The following ACSS1 variants were observed in gnomAD, a reference collection of about 807,000 sequenced individuals.
The protein encoded by ACSS1 is acetyl-coenzyme A synthetase 2-like, mitochondrial.
In ACSS1, 42 loss-of-function variants were observed where a neutral mutation model predicts 75.3. The ratio of observed to expected loss-of-function variants is 0.56; its 90% CI spans 0.44 to 0.72. The LOEUF (loss-of-function observed/expected upper bound fraction) is 0.72, where lower values mean the gene tolerates loss of function less well. Ranked by LOEUF, ACSS1 falls within the 30% of genes least tolerant of loss-of-function variation. The probability of loss-of-function intolerance (pLI) is 0.00; values close to 1 mark genes in which losing one functional copy is unlikely to be tolerated. For missense variants in ACSS1, 782 were observed against 935.7 expected (o/e 0.84, Z 2.14); for synonymous variants, 380 against 376.8 (o/e 1.01, Z -0.10).
intron 2 of ACSS1, among the ~76,000 whole-genome samples, chr20:25,034,977 C>A (rs999849456): frequency 5.9e-5 from 9 of 152,036 alleles, no homozygotes; most frequent in Non-Finnish European, 1.5e-5. Context: ...ACTGCAAGCT[C>A]CGCCCCCTGG....
chr20:25,020,965 G>C (rs1413552088), intron 6 of ACSS1, among the ~76,000 whole-genome samples: 1 of 152,248 alleles, frequency 6.6e-6, no homozygotes, highest in Admixed American at 6.5e-5. Flanking sequence ...ATGGTTCTAG[G>C]CCATGCCTAA....
At chr20:25,012,767 T>A (rs753757165) in intron 11 of ACSS1, 45 bp downstream of exon 11, 2 of 1,613,270 alleles carry the variant, frequency 1.2e-6, no homozygotes, top group East Asian at 4.5e-5. Context: ...CACAGGGGCA[T>A]CATGGAGGTG....
chr20:25,031,648 A>C (rs1259855414), intron 2 of ACSS1, among the ~76,000 whole-genome samples: 2 of 152,188 alleles, frequency 1.3e-5, no homozygotes, highest in African/African-American at 4.8e-5. Flanking sequence ...GAAGCTTTCA[A>C]TAAACTATCT....
intron 8 of ACSS1, among the ~76,000 whole-genome samples, chr20:25,014,774 G>A (rs2088485493): frequency 6.6e-6 from 1 of 152,168 alleles, no homozygotes. Flanking sequence ...ATGTTCCCCT[G>A]TTCAGAAAGG....
chr20:25,032,248 G>A, intron 2 of ACSS1: 6 of 882,762 alleles, frequency 6.8e-6, no homozygotes, highest in Non-Finnish European at 7.6e-6. Flanking sequence ...CACTCAGGGC[G>A]CATCATCTCT....
chr20:25,012,454 G>C (rs2088426191), intron 12 of ACSS1, 147 bp downstream of exon 12: 1 of 1,013,542 alleles, frequency 9.9e-7, no homozygotes, highest in African/African-American at 1.6e-5. Context: ...CTCCCCTACA[G>C]TTTCCACTTG....
At chr20:25,043,164 C>G (rs537417155) in intron 2 of ACSS1, among the ~76,000 whole-genome samples, 4 of 152,190 alleles carry the variant, frequency 2.6e-5, no homozygotes, top group Admixed American at 2.6e-4. Context: ...ACCAGTCCCC[C>G]ACTCCTGCCT....
rs2088627924 is a variant in ACSS1, at chr20:25,021,665, G to A, written c.961-129C>T. 1.3e-5 allele frequency: 15 copies of A among 1,161,140 alleles called. No homozygotes were observed. In the South Asian group the frequency reaches 2.3e-4, roughly 18 times the overall value. The allele number at this position is 1,161,140 out of a possible 1,614,324, so 71.9% of individuals were successfully genotyped here. The stretch of plus-strand genomic sequence containing the variant: ...TGAGAGGCAGCTGGCTCCTCAAATG[G>A]CCTCCAGCAGCAGGACAGGTGGGCA... On this transcript the variant is annotated intron_variant, in intron 5 of 13. Transcript: ENST00000323482.
At position 25,046,458 on chromosome 20, in the gene ACSS1, G is replaced by A. The variant is rs535775063; in HGVS notation, c.431+1627C>T. The A allele has an allele frequency of 6.2e-5, 19 of 307,198 alleles. 1 individual carries two copies. The highest frequency in any genetic ancestry group is 1.8e-4 in the South Asian group (5 of 27,052). The allele number at this position is 307,198 out of a possible 1,614,324, so 19.0% of individuals were successfully genotyped here. ...GTGCTCCCACGGGCAGCGTCCAGCC[G>A]AGGGGGCGTGGCACACAACCTGCCT... On this transcript the variant is annotated intron_variant, in intron 2 of 13. Transcript: ENST00000323482.
Position 25,009,460 on chromosome 20 carries a change from T to C in ACSS1, c.1772-72A>G, listed in dbSNP as rs958036672. 14 of 1,211,626 alleles carry C rather than the reference T, an allele frequency of 1.2e-5. No homozygotes were observed. The East Asian group carries it at 1.9e-4, about 16-fold the overall frequency. 75.1% of individuals were successfully genotyped at this position (1,211,626 alleles called of 1,614,324 possible). ...AGCCAACTCCCGAGGCAGGGTGCTA[T>C]GCACAGACTGCCAGAAATCCGAAGG... On this transcript the variant is annotated intron_variant, in intron 12 of 13. Transcript: ENST00000323482.
intron 7 of ACSS1, among the ~76,000 whole-genome samples, 200 bp downstream of exon 7, chr20:25,019,810 A>T (rs2179732): frequency 0.32 from 48,126 of 152,254 alleles, 8,346 homozygotes; most frequent in African/African-American, 0.44. Flanking sequence ...TTCCCCAGAC[A>T]GGTAACTGCT....
intron 3 of ACSS1, among the ~76,000 whole-genome samples, chr20:25,027,822 AAAG>A (rs2088751454): frequency 6.6e-6 from 1 of 152,186 alleles, no homozygotes. Context: ...CCAAATTGGA[AAAG>A]AAGAAGTAAA....
At chr20:25,018,883 AT>A (rs763035972) in intron 7 of ACSS1, among the ~76,000 whole-genome samples, 1 of 152,184 alleles carries the variant, frequency 6.6e-6, no homozygotes, top group African/African-American at 2.4e-5. Flanking sequence ...CATGCTGAAC[AT>A]TATACTAAGG....
At chr20:25,045,087 T>G (rs2089065148) in intron 2 of ACSS1, among the ~76,000 whole-genome samples, 1 of 152,234 alleles carries the variant, frequency 6.6e-6, no homozygotes, top group African/African-American at 2.4e-5. Context: ...ACTCAATAAA[T>G]AGCAGCTACA....
intron 1 of ACSS1, among the ~76,000 whole-genome samples, chr20:25,049,921 G>A (rs903569802): frequency 2.5e-4 from 38 of 152,160 alleles, no homozygotes; most frequent in South Asian, 6.2e-4. Context: ...GGAGGGAAGC[G>A]AGCTTTGCCG....
chr20:25,018,902 C>T (rs546179620), intron 7 of ACSS1, among the ~76,000 whole-genome samples: 76 of 152,348 alleles, frequency 5.0e-4, no homozygotes, highest in Non-Finnish European at 1.0e-3. Flanking sequence ...AGGCTCACAT[C>T]TGACCCTCTG....
At chr20:25,040,643 C>T (rs1039045647) in intron 2 of ACSS1, among the ~76,000 whole-genome samples, 2 of 152,184 alleles carry the variant, frequency 1.3e-5, no homozygotes, top group East Asian at 1.9e-4. Context: ...CAAATATTTC[C>T]ACCGCTGATT....
chr20:25,037,003 A>AG (rs1218724201), intron 2 of ACSS1, among the ~76,000 whole-genome samples: 15,283 of 119,014 alleles, frequency 0.13, 978 homozygotes, highest in African/African-American at 0.17. Flanking sequence ...GAAAGAAGAA[A>AG]GAAAGGAAGG....
intron 2 of ACSS1, among the ~76,000 whole-genome samples, chr20:25,041,410 G>A (rs1176842818): frequency 1.3e-5 from 2 of 152,216 alleles, no homozygotes; most frequent in Non-Finnish European, 2.9e-5. Context: ...TCACGGCTGG[G>A]CTTCCACAGA....
Sources: gnomAD v4.1 joint callset for allele counts (sites outside exome capture counted in the v4.1 genomes callset) on GRCh38, gnomAD v4.1.1 for gene constraint, MANE v1.5 for transcripts, NCBI Gene and HGNC (gene_info 2026-07-23, HGNC 2026-07-21) for gene names.